DNAH12: variants seen among roughly 807,000 people sequenced by gnomAD.
The protein encoded by DNAH12 is dynein axonemal heavy chain 12, also known as axonemal beta dynein heavy chain 12.
Under a neutral mutation model 371.5 loss-of-function variants are expected in DNAH12, and 285 were observed. The observed-to-expected ratio is 0.77, with a 90% CI of 0.70 to 0.85. The LOEUF (loss-of-function observed/expected upper bound fraction) is 0.85. DNAH12 is among the 40% of genes least tolerant of loss of function. The pLI, the probability that DNAH12 is intolerant of heterozygous loss-of-function variation, is 0.00. For missense variants in DNAH12, 3,611 were observed against 3,689.4 expected, an observed-to-expected ratio of 0.98 and a Z score of 0.55; for synonymous variants, 1,200 against 1,213.0, an observed-to-expected ratio of 0.99 and a Z score of 0.22.
intron 29 of DNAH12, among the ~76,000 whole-genome samples, chr3:57,439,321 C>A (rs985024818): frequency 6.6e-6 from 1 of 152,124 alleles, no homozygotes; most frequent in Non-Finnish European, 1.5e-5. Flanking sequence ...ATTACAGTAA[C>A]CAAAACTGTA....
chr3:57,475,138 T>C (rs139056303), intron 13 of DNAH12, among the ~76,000 whole-genome samples: 185 of 152,268 alleles, frequency 1.2e-3, no homozygotes, highest in African/African-American at 4.3e-3. Flanking sequence ...ATTTTCAGGA[T>C]TGAAACCTAA....
intron 30 of DNAH12, among the ~76,000 whole-genome samples, 155 bp downstream of exon 30, chr3:57,436,796 A>G (rs1006772670): frequency 2.0e-5 from 3 of 151,318 alleles, no homozygotes; most frequent in Middle Eastern, 3.2e-3. Context: ...TGAGAAATAA[A>G]CCTTTGCCTT....
chr3:57,476,689 C>CT (rs1210668750), intron 13 of DNAH12, among the ~76,000 whole-genome samples: 1 of 152,178 alleles, frequency 6.6e-6, no homozygotes, highest in Non-Finnish European at 1.5e-5. Flanking sequence ...TGGCTGTTTA[C>CT]TTTAGAACAT....
chr3:57,323,064 G>A lies in DNAH12; in HGVS notation c.10326C>T (p.Thr3442=). The change falls in exon 64 of 74, where the codon ACC becomes ACT. Residue 3442 remains threonine (T), a synonymous_variant. Coordinates refer to ENST00000495027, the MANE Select transcript of DNAH12 (RefSeq NM_001366028.2). The stretch of plus-strand genomic sequence containing the variant: ...TAAAGGATGAGTTACAGGTTTCAGA[G>A]GTAAAATCTTCACATATTTTTTCCA... The part of the protein sequence containing the change: ...PMLEKICEDF[T]SETCNSSFRL... 6.4e-7 allele frequency: 1 copy of A among 1,552,376 alleles called. No homozygotes were observed. The highest frequency in any genetic ancestry group is 1.2e-5 in the South Asian group (1 of 84,064).
chr3:57,311,229 C>A (rs1234556232), intron 66 of DNAH12, among the ~76,000 whole-genome samples: 1 of 152,118 alleles, frequency 6.6e-6, no homozygotes, highest in Admixed American at 6.5e-5. Flanking sequence ...GAGTGTGCCA[C>A]CACGCCCAGC....
intron 50 of DNAH12, among the ~76,000 whole-genome samples, chr3:57,381,236 GGT>G (rs1335752008): frequency 0.13 from 19,501 of 149,204 alleles, 1,684 homozygotes; most frequent in East Asian, 0.5. Flanking sequence ...CTGATAGGGA[GGT>G]GTGTGTGTGT....
the DNAH12 span, among the ~76,000 whole-genome samples, chr3:57,555,997 G>A: frequency 3.3e-5 from 5 of 152,338 alleles, no homozygotes; most frequent in East Asian, 7.7e-4. Flanking sequence ...TCCAAGACAG[G>A]TGTCCACCTC....
chr3:57,351,085 A>G (rs1553659991), intron 60 of DNAH12, among the ~76,000 whole-genome samples: 1 of 152,034 alleles, frequency 6.6e-6, no homozygotes, highest in Non-Finnish European at 1.5e-5. Flanking sequence ...CCTGGCCAAC[A>G]TAGTGAAACC....
chr3:57,322,431 G>A lies in DNAH12; in HGVS notation c.10436C>T (p.Thr3479Met), dbSNP rs562274830. ...NGVKMTNEPP[T>M]GLRLNLLQSY... ...TTGAAGGAGATTCAGCCGAAGACCC[G>A]TGGGAGGTTCATTAGTCATTTTTAC... The change falls in exon 65 of 74, where the codon ACG (threonine) becomes ATG (methionine). Residue 3479 changes from threonine to methionine, a missense_variant. Transcript: ENST00000495027. 55 of 1,552,216 alleles carry A rather than the reference G, an allele frequency of 3.5e-5. No individual in the cohort carries two copies. The highest frequency in any genetic ancestry group is 2.2e-4 in the East Asian group (9 of 40,918).
chr3:57,473,559 G>A (rs1381790867), intron 13 of DNAH12, among the ~76,000 whole-genome samples: 5 of 151,872 alleles, frequency 3.3e-5, no homozygotes, highest in African/African-American at 1.2e-4. Flanking sequence ...GAGTAGATAG[G>A]TTGAATATTT....
rs906574563 is a variant in DNAH12 at position 57,386,479 on chromosome 3, T to C, written c.7564A>G (p.Met2522Val). The stretch of plus-strand genomic sequence containing the variant: ...AAAGCTAATTTGTCAAGCCCATTCA[T>C]GTATCGTTGTTTTGCTTCCATGACA... ...QAVMEAKQRY[M>V]NGLDKLAFAE... The change falls in exon 47 of 74, where the codon ATG becomes GTG. Residue 2522 changes from methionine to valine, a missense_variant. Met to Val is a conservative substitution (Grantham distance 21, BLOSUM62 1). Coordinates refer to ENST00000495027, the MANE Select transcript of DNAH12 (RefSeq NM_001366028.2). The C allele has an allele frequency of 1.4e-4, 22 of 152,338 alleles. No individual in the cohort carries two copies. Among genetic ancestry groups the C allele is most frequent in the African/African-American group, 4.8e-4 (20 of 41,586 alleles). 9.4% of individuals were successfully genotyped at this position (152,338 alleles called of 1,614,324 possible).
chr3:57,510,972 T>C lies in DNAH12; in HGVS notation c.287A>G (p.Tyr96Cys). 6.3e-7 allele frequency: 1 copy of C among 1,593,806 alleles called. No individual in the cohort carries two copies. Among genetic ancestry groups the C allele is most frequent in the Non-Finnish European group, 8.5e-7 (1 of 1,175,512 alleles). Reference protein sequence around the residue: ...TSEMKKKGFNYIYMKQCVESS... With the variant: ...TSEMKKKGFNCIYMKQCVESS... ...TTCTACACATTGCTTCATATAAATATAGTTGAACTGAGAACATAAGAAAAA... is the reference window on the plus strand; with the variant it reads ...TTCTACACATTGCTTCATATAAATACAGTTGAACTGAGAACATAAGAAAAA... The change falls in exon 5 of 74, where the codon TAT (tyrosine) becomes TGT (cysteine). Residue 96 changes from tyrosine (Y) to cysteine (C), a missense_variant. By Grantham distance (194) the Tyr-to-Cys change is radical (BLOSUM62 -2). Around this residue, in one of 3 missense-constraint regions of DNAH12, gnomAD observed 1,314 missense variants for 1,398.7 expected, o/e 0.94. Coordinates refer to ENST00000495027, the MANE Select transcript of DNAH12 (RefSeq NM_001366028.2).
At chr3:57,443,050 A>T (rs2065358128) in intron 29 of DNAH12, among the ~76,000 whole-genome samples, 1 of 152,124 alleles carries the variant, frequency 6.6e-6, no homozygotes, top group Non-Finnish European at 1.5e-5. Flanking sequence ...GCCACATATT[A>T]CCTATTTCAT....
intron 25 of DNAH12, among the ~76,000 whole-genome samples, chr3:57,446,915 T>C (rs2065520832): frequency 6.6e-6 from 1 of 152,206 alleles, no homozygotes; most frequent in Non-Finnish European, 1.5e-5. Context: ...GACACTTTCA[T>C]AGGTATCCCA....
intron 11 of DNAH12, among the ~76,000 whole-genome samples, chr3:57,499,016 C>A (rs1208896648): frequency 4.0e-5 from 6 of 148,880 alleles, no homozygotes; most frequent in Non-Finnish European, 3.0e-5. Context: ...AAAACAAAAA[C>A]ACACACACAC....
intron 60 of DNAH12, among the ~76,000 whole-genome samples, chr3:57,341,080 A>C (rs1223011453): frequency 2.0e-5 from 3 of 152,038 alleles, no homozygotes; most frequent in Non-Finnish European, 2.9e-5. Context: ...ATAAAATTCA[A>C]TATCCCTCAT....
intron 43 of DNAH12, among the ~76,000 whole-genome samples, chr3:57,400,116 C>T (rs1307851621): frequency 6.6e-6 from 1 of 152,004 alleles, no homozygotes; most frequent in Non-Finnish European, 1.5e-5. Flanking sequence ...GGCGAAACCC[C>T]ATCTCTACAA....
intron 4 of DNAH12, among the ~76,000 whole-genome samples, chr3:57,522,775 AG>A (rs1175451628): frequency 2.0e-5 from 3 of 151,730 alleles, no homozygotes; most frequent in Non-Finnish European, 4.4e-5. Flanking sequence ...AAGAAATTTT[AG>A]ATGTTTTTGT....
chr3:57,445,231 A>C lies in DNAH12; in HGVS notation c.4368T>G (p.Val1456=). 1 of 1,550,628 alleles carries C rather than the reference A, an allele frequency of 6.4e-7. No homozygotes were observed. The change falls in exon 28 of 74, where the codon GTT becomes GTG. Residue 1456 remains valine, a synonymous_variant. Transcript: ENST00000495027. ...YDYGMRAVKA[V]LVAAGNLKLK... is the part of the protein sequence containing the mutation. ...GTTTTAGATTGCCAGCAGCCACTAA[A>C]ACGGCTTTTACTGCTCGCATTCCAT...
Sources: gnomAD v4.1 joint callset for allele counts (sites outside exome capture counted in the v4.1 genomes callset) on GRCh38, gnomAD v4.1.1 for gene constraint, gnomAD v4.1.1 regional missense constraint, MANE v1.5 for transcripts, NCBI Gene and HGNC (gene_info 2026-07-23, HGNC 2026-07-21) for gene names.